The following CPNE6 variants were observed in gnomAD, a reference collection of about 807,000 sequenced individuals.
CPNE6 encodes the protein copine 6, also known as copine-6.
CPNE6 carries 33 observed loss-of-function variants against 71.5 expected under a neutral mutation model. The ratio of observed to expected loss-of-function variants is 0.46; its 90% CI spans 0.35 to 0.62. The LOEUF (loss-of-function observed/expected upper bound fraction) is 0.62, where lower values mean the gene tolerates loss of function less well. Ranked by LOEUF, CPNE6 falls within the 20% of genes least tolerant of loss-of-function variation. CPNE6 has a pLI of 0.00. For synonymous variants in CPNE6, 296 were observed against 293.0 expected (o/e 1.01, Z -0.10); for missense variants, 576 against 747.3 (o/e 0.77, Z 2.67).
intron 2 of CPNE6, chr14:24,072,407 G>A (rs2035929403): frequency 6.5e-6 from 1 of 152,788 alleles, no homozygotes; most frequent in Non-Finnish European, 1.5e-5. Context: ...TGGGGGTAGG[G>A]AGTGGATAGG....
At chr14:24,071,398 G>C in intron 1 of CPNE6, 164 bp from the exon 1 acceptor site, 1 of 1,453,196 alleles carries the variant, frequency 6.9e-7, no homozygotes, top group Non-Finnish European at 9.0e-7. Context: ...GCCACCCCCA[G>C]CCTGCCCTCC....
rs893598297 is a variant in CPNE6 at position 24,074,949 on chromosome 14, C to G, written c.672+154C>G. ...TAATAGGTCACAGCTCAATGTTAAA[C>G]TTCCCACATGTGTGCATTTTATCAG... On this transcript the variant is annotated intron_variant, in intron 8 of 17. Coordinates refer to ENST00000397016, the Ensembl canonical transcript of CPNE6. This position sits in a 1 kb window ranked among gnomAD's most constrained non-coding sequence, Gnocchi z 4.5. 6.6e-6 allele frequency among the ~76,000 whole-genome samples: 1 copy of G among 152,206 alleles called. No individual in the cohort carries two copies. The highest frequency in any genetic ancestry group is 2.4e-5 in the African/African-American group (1 of 41,440).
chr14:24,074,177 C>A lies in CPNE6; in HGVS notation c.423+52C>A, dbSNP rs1446531141. The A allele has an allele frequency of 1.3e-6, 2 of 1,592,994 alleles. No homozygotes were observed. The highest frequency in any genetic ancestry group is 1.3e-5 in the African/African-American group (1 of 74,462). On this transcript the variant is annotated intron_variant, in intron 5 of 17. Coordinates refer to ENST00000397016, the Ensembl canonical transcript of CPNE6. This position sits in a 1 kb window ranked among gnomAD's most constrained non-coding sequence, Gnocchi z 4.5. ...TTGGTCCAGGTATTCAATGCCCCTG[C>A]ATGGACACCTATGGTGACATCATGC...
At chr14:24,076,746 C>A in intron 14 of CPNE6, 133 bp from the exon 14 acceptor site, 1 of 1,497,626 alleles carries the variant, frequency 6.7e-7, no homozygotes, top group Non-Finnish European at 9.2e-7. Context: ...GACCATCCAA[C>A]TCTCCCACTG....
At position 24,074,802 on chromosome 14, in the gene CPNE6, T is replaced by C. The variant is rs1366342591; in HGVS notation, c.672+7T>C. The C allele has an allele frequency of 6.2e-7, 1 of 1,607,964 alleles. No homozygotes were observed. Among genetic ancestry groups the C allele is most frequent in the Non-Finnish European group, 8.5e-7 (1 of 1,177,472 alleles). On this transcript the variant is annotated splice_region_variant and intron_variant, in intron 8 of 17. Transcript: ENST00000397016. This position sits in a 1 kb window ranked among gnomAD's most constrained non-coding sequence, Gnocchi z 4.5. ...TGTTCACCGACCTCTCAAGGTGAAG[T>C]CCCAGCCAAGCCAGCACAGCCTACT...
At position 24,074,615 on chromosome 14, in the gene CPNE6, G is replaced by A; in HGVS notation, c.582+1G>A. 6.2e-7 allele frequency: 1 copy of A among 1,614,178 alleles called. No individual in the cohort carries two copies. The highest frequency in any genetic ancestry group is 8.5e-7 in the Non-Finnish European group (1 of 1,180,020). ...TGATCAGCTGGTCTGGAGAACTGAG[G>A]TTGGTGCCTGGGGCTATGGGGATGA... On this transcript the variant is annotated splice_donor_variant, in intron 7 of 17. Coordinates refer to ENST00000397016, the Ensembl canonical transcript of CPNE6. LOFTEE classifies it high-confidence loss of function. This position sits in a 1 kb window ranked among gnomAD's most constrained non-coding sequence, Gnocchi z 4.5.
Position 24,073,555 on chromosome 14 carries a change from G to A in CPNE6, c.225G>A (p.Leu75=), listed in dbSNP as rs1480490431. 1 of 1,614,036 alleles carries A rather than the reference G, an allele frequency of 6.2e-7. No homozygotes were observed. Among genetic ancestry groups the A allele is most frequent in the Admixed American group, 1.7e-5 (1 of 60,022 alleles). Residue 75 remains leucine (L), a synonymous_variant, in exon 4 of 18, where the codon CTG becomes CTA. Transcript: ENST00000397016. This position sits in a 1 kb window ranked among gnomAD's most constrained non-coding sequence, Gnocchi z 5.5. ...CCAGCCCTGTCTTCTCCCGGGTGCT[G>A]GCCCTTGAGTATTTTTTTGAGGAGA...
rs1377387071 is a variant in CPNE6, at chr14:24,075,041, G to A, written c.673-131G>A. On this transcript the variant is annotated intron_variant, in intron 8 of 17. Coordinates refer to ENST00000397016, the Ensembl canonical transcript of CPNE6. This position sits in a 1 kb window ranked among gnomAD's most constrained non-coding sequence, Gnocchi z 4.3. ...AGCAGGTGGCCTCTCCGGGCAGGCTGAGGATGTCTGTTTGGGCATGGAGAC... is the reference window on the plus strand; with the variant it reads ...AGCAGGTGGCCTCTCCGGGCAGGCTAAGGATGTCTGTTTGGGCATGGAGAC... 2.5e-6 allele frequency: 2 copies of A among 789,772 alleles called. No individual in the cohort carries two copies. Among genetic ancestry groups the A allele is most frequent in the Non-Finnish European group, 4.4e-6 (2 of 452,280 alleles). The allele number at this position is 789,772 out of a possible 1,614,324, so 48.9% of individuals were successfully genotyped here. A position where few individuals can be genotyped will look rare whatever the true frequency, so the allele number is the denominator to read the frequency against.
chr14:24,077,225 G>T lies in CPNE6; in HGVS notation c.1371G>T (p.Val457=). The change falls in exon 16 of 18, where the codon GTG becomes GTT. Residue 457 remains valine (V), a synonymous_variant. Coordinates refer to ENST00000397016, the Ensembl canonical transcript of CPNE6. This position sits in a 1 kb window ranked among gnomAD's most constrained non-coding sequence, Gnocchi z 6.1. ...TGGCTGAGACTCGCACTGCTATCGT[G>T]CGTGCCTCCCGCCTGCCCATGTCCA... The T allele has an allele frequency of 6.2e-7, 1 of 1,612,742 alleles. No individual in the cohort carries two copies. Among genetic ancestry groups the T allele is most frequent in the Non-Finnish European group, 8.5e-7 (1 of 1,180,018 alleles).
At chr14:24,076,453 TGTCA>T (rs759658656) in intron 13 of CPNE6, 39 bp downstream of exon 12, 4 of 1,614,000 alleles carry the variant, frequency 2.5e-6, no homozygotes, top group Admixed American at 3.3e-5. Flanking sequence ...ATGGGGGGCG[TGTCA>T]GTCAGGCAGA....
chr14:24,077,668 G>A lies in CPNE6; in HGVS notation c.1612G>A (p.Gly538Ser). The A allele has an allele frequency of 3.1e-6, 5 of 1,593,982 alleles. No homozygotes were observed. The highest frequency in any genetic ancestry group is 4.3e-6 in the Non-Finnish European group (5 of 1,169,776). Residue 538 changes from glycine to serine, a missense_variant, in exon 17 of 18, where the codon GGC becomes AGC. This residue lies in a region of CPNE6 where 264 missense variants were observed against 339.9 expected (regional missense o/e 0.78). Transcript: ENST00000397016. This position sits in a 1 kb window ranked among gnomAD's most constrained non-coding sequence, Gnocchi z 6.1. The stretch of plus-strand genomic sequence containing the variant: ...GGTGGTGGAGTACTACGCCAGCCAG[G>A]GCATCAGCCCTGGGGCTCCCAGGCC...
At chr14:24,071,481 G>T (rs763022294) in intron 1 of CPNE6, 81 bp from the exon 1 acceptor site, 9 of 1,524,418 alleles carry the variant, frequency 5.9e-6, no homozygotes, top group South Asian at 1.2e-5. Context: ...ATCCATCCAC[G>T]CGGGGGGAGC....
At chr14:24,072,762 T>A in intron 2 of CPNE6, 171 bp from the exon 2 acceptor site, 1 of 509,926 alleles carries the variant, frequency 2.0e-6, no homozygotes, top group Non-Finnish European at 3.2e-6. Context: ...TCAGGTCCTC[T>A]GCCCTCCCCT....
rs1309057319 is a variant in CPNE6 at position 24,074,161 on chromosome 14, G to T, written c.423+36G>T. ...TCACCTGTACTCACCCTTGGTCCAG[G>T]TATTCAATGCCCCTGCATGGACACC... On this transcript the variant is annotated intron_variant, in intron 5 of 17. Coordinates refer to ENST00000397016, the Ensembl canonical transcript of CPNE6. This position sits in a 1 kb window ranked among gnomAD's most constrained non-coding sequence, Gnocchi z 4.5. 1 of 1,606,524 alleles carries T rather than the reference G, an allele frequency of 6.2e-7. No homozygotes were observed. Among genetic ancestry groups the T allele is most frequent in the Non-Finnish European group, 8.5e-7 (1 of 1,173,076 alleles).
Position 24,077,748 on chromosome 14 carries a change from G to A in CPNE6, c.*18G>A, listed in dbSNP as rs185645249. 7.9e-6 allele frequency: 12 copies of A among 1,513,004 alleles called. No homozygotes were observed. Among genetic ancestry groups the A allele is most frequent in the Admixed American group, 4.5e-5 (2 of 43,994 alleles). The allele number at this position is 1,513,004 out of a possible 1,614,324, so 93.7% of individuals were successfully genotyped here. On this transcript the variant is annotated 3_prime_UTR_variant, in exon 17 of 18. Transcript: ENST00000397016. The surrounding 1 kb of genome is among the most constrained non-coding windows in gnomAD (Gnocchi z 6.1). ...GCCCGTGACTGCCTCCCTCCGGACC[G>A]ACACTCCCTCAGCCTCTCAGTGAGT...
At chr14:24,071,104 A>AGT in intron 1 of CPNE6, 2 of 1,408,526 alleles carry the variant, frequency 1.4e-6, no homozygotes, top group African/African-American at 2.8e-5. Context: ...ATCCTTAGCT[A>AGT]GTGTAACAAT....
rs755219074 is a variant in CPNE6, at chr14:24,073,627, C to A, written c.297C>A (p.Thr99=). Residue 99 remains threonine (T), a synonymous_variant, in exon 4 of 18, where the codon ACC becomes ACA. Coordinates refer to ENST00000397016, the Ensembl canonical transcript of CPNE6. The surrounding 1 kb of genome is among the most constrained non-coding windows in gnomAD (Gnocchi z 5.5). Reference sequence around the variant, plus strand: ...TGTTCGATGCCGAGGACGGAGCCACCAGCCCCCGAAATGATACCTTCCTCG... The same window carrying A: ...TGTTCGATGCCGAGGACGGAGCCACAAGCCCCCGAAATGATACCTTCCTCG... 1.2e-6 allele frequency: 2 copies of A among 1,613,856 alleles called. No homozygotes were observed. The highest frequency in any genetic ancestry group is 2.7e-5 in the African/African-American group (2 of 74,902).
At chr14:24,076,538 G>T (rs778192102) in exon 14 of CPNE6, 1 of 1,614,010 alleles carries the variant, frequency 6.2e-7, no homozygotes, top group Non-Finnish European at 8.5e-7. Flanking sequence ...ACTTTGACCC[G>T]GAAAATCCTG....
chr14:24,077,020 G>A lies in CPNE6; in HGVS notation c.1299+8G>A. On this transcript the variant is annotated splice_region_variant and intron_variant, in intron 15 of 17. Transcript: ENST00000397016. The surrounding 1 kb of genome is among the most constrained non-coding windows in gnomAD (Gnocchi z 6.1). ...AGCACCGGCCAAGCCACGGTAGGAA[G>A]ACATGGCGGGCAAACAGGAGCTGTC... is the stretch of plus-strand genomic sequence containing the variant. 6.2e-7 allele frequency: 1 copy of A among 1,608,652 alleles called. No homozygotes were observed.
Sources: allele counts gnomAD v4.1 joint callset (sites outside exome capture counted in the v4.1 genomes callset), GRCh38; gene constraint gnomAD v4.1.1; regional missense constraint gnomAD v4.1.1; non-coding constraint Gnocchi (gnomAD v3.1); transcripts MANE v1.5; gene names NCBI Gene and HGNC (gene_info 2026-07-23, HGNC 2026-07-21).